The following COG5 variants were observed in gnomAD, a reference collection of about 807,000 sequenced individuals.
The protein encoded by COG5 is component of oligomeric golgi complex 5.
In COG5, 86 loss-of-function variants were observed where a neutral mutation model predicts 110.4. The ratio of observed to expected loss-of-function variants is 0.78; its 90% confidence interval spans 0.65 to 0.93. The LOEUF is 0.93. COG5 is among the 40% of genes least tolerant of loss of function. The probability of loss-of-function intolerance (pLI) is 0.00; values close to 1 mark genes in which losing one functional copy is unlikely to be tolerated. For missense variants in COG5, 1,077 were observed against 987.0 expected (o/e 1.09, Z -1.22); for synonymous variants, 360 against 334.6 (o/e 1.08, Z -0.83).
intron 6 of COG5, among the ~76,000 whole-genome samples, chr7:107,456,847 A>G (rs1795694646): frequency 6.6e-6 from 1 of 152,250 alleles, no homozygotes; most frequent in South Asian, 2.1e-4. Flanking sequence ...TAACAGGAGC[A>G]TTCAATATGG....
chr7:107,466,945 AG>A (rs1481991260), intron 6 of COG5, among the ~76,000 whole-genome samples: 1 of 152,250 alleles, frequency 6.6e-6, no homozygotes, highest in African/African-American at 2.4e-5. Flanking sequence ...ACAAACTCAG[AG>A]AATCTTCAAA....
At chr7:107,344,463 G>T (rs1315220491) in intron 10 of COG5, among the ~76,000 whole-genome samples, 2 of 152,142 alleles carry the variant, frequency 1.3e-5, no homozygotes, top group Non-Finnish European at 2.9e-5. Context: ...GTTGTGGCTG[G>T]CTTGATCTTC....
At chr7:107,341,060 T>A (rs922460986) in intron 10 of COG5, among the ~76,000 whole-genome samples, 1 of 151,964 alleles carries the variant, frequency 6.6e-6, no homozygotes, top group Non-Finnish European at 1.5e-5. Flanking sequence ...AAAAATAGCA[T>A]CCAATTTGGA....
In COG5 at chr7:107,201,983, C is replaced by A. The variant is rs755241520; in HGVS notation, c.*1533G>T. ...GGCTACCAGAACATGGGGCAGGTGG[C>A]TGGTGTTGGTGTCCCAGCCTAAGAG... On this transcript the variant is annotated 3_prime_UTR_variant, in exon 22 of 22. Coordinates refer to ENST00000297135, the MANE Select transcript of COG5 (RefSeq NM_006348.5). 6.6e-6 allele frequency: 1 copy of A among 152,658 alleles called. No homozygotes were observed. Among genetic ancestry groups the A allele is most frequent in the Non-Finnish European group, 1.5e-5 (1 of 68,054 alleles). 9.5% of individuals were successfully genotyped at this position (152,658 alleles called of 1,614,324 possible). A position where few individuals can be genotyped will look rare whatever the true frequency, so the allele number is the denominator to read the frequency against.
intron 21 of COG5, chr7:107,210,323 T>C: frequency 7.0e-7 from 1 of 1,429,014 alleles, no homozygotes; most frequent in Non-Finnish European, 9.1e-7. Flanking sequence ...AGGTTTGGAA[T>C]GAAAGAAAGC....
chr7:107,320,735 T>C (rs1338661649), intron 11 of COG5, among the ~76,000 whole-genome samples: 1 of 152,134 alleles, frequency 6.6e-6, no homozygotes, highest in Admixed American at 6.5e-5. Flanking sequence ...AAGGTATAAA[T>C]ATAGGTCCCC....
Position 107,499,554 on chromosome 7 carries a change from C to T in COG5, c.538+27683G>A, listed in dbSNP as rs572209986. The stretch of plus-strand genomic sequence containing the variant: ...CTGAGAAGCTAGGATTAAAGGAGCA[C>T]GTCACCATGCCCAGCTAATTTTTTG... On this transcript the variant is annotated intron_variant, in intron 6 of 21. Coordinates refer to ENST00000297135, the MANE Select transcript of COG5 (RefSeq NM_006348.5). Among the ~76,000 whole-genome samples the T allele has an allele frequency of 1.6e-4, 24 of 152,072 alleles. No individual in the cohort carries two copies. In the South Asian group the frequency reaches 3.9e-3, roughly 25 times the overall value.
intron 6 of COG5, among the ~76,000 whole-genome samples, chr7:107,415,058 G>C (rs1792616584): frequency 6.6e-6 from 1 of 151,792 alleles, no homozygotes; most frequent in Non-Finnish European, 1.5e-5. Context: ...CTCCTCCTTT[G>C]TGTAAATGAA....
At chr7:107,502,710 A>G (rs1798712962) in intron 6 of COG5, among the ~76,000 whole-genome samples, 1 of 152,100 alleles carries the variant, frequency 6.6e-6, no homozygotes, top group Non-Finnish European at 1.5e-5. Flanking sequence ...GCCATTCTAG[A>G]CGGAATAAGC....
intron 11 of COG5, among the ~76,000 whole-genome samples, chr7:107,313,686 T>G (rs777739319): frequency 6.6e-6 from 1 of 152,136 alleles, no homozygotes; most frequent in Non-Finnish European, 1.5e-5. Context: ...CTGTTTCCAT[T>G]ATCACATATC....
At chr7:107,317,275 C>T (rs1808842030) in intron 11 of COG5, among the ~76,000 whole-genome samples, 1 of 152,030 alleles carries the variant, frequency 6.6e-6, no homozygotes, top group African/African-American at 2.4e-5. Flanking sequence ...CTATCCCCTC[C>T]CAGAACAGCC....
At chr7:107,362,239 G>T in intron 9 of COG5, 69 bp downstream of exon 9, 1 of 1,419,654 alleles carries the variant, frequency 7.0e-7, no homozygotes, top group Non-Finnish European at 9.9e-7. Flanking sequence ...ACCTGCCCAA[G>T]GTCACACAAT....
intron 17 of COG5, among the ~76,000 whole-genome samples, chr7:107,245,094 C>T (rs1163349265): frequency 1.3e-5 from 2 of 152,198 alleles, no homozygotes; most frequent in Admixed American, 6.5e-5. Context: ...ATCACATCAA[C>T]AGAGCTAAAG....
chr7:107,241,319 A>G (rs1801602054), intron 17 of COG5, among the ~76,000 whole-genome samples: 1 of 151,808 alleles, frequency 6.6e-6, no homozygotes, highest in African/African-American at 2.4e-5. Flanking sequence ...ATCAGCAGTT[A>G]TATAATCCTA....
chr7:107,295,459 T>C (rs1329051434), intron 12 of COG5, among the ~76,000 whole-genome samples: 2 of 152,070 alleles, frequency 1.3e-5, no homozygotes, highest in African/African-American at 4.8e-5. Context: ...AAGTAATGAA[T>C]CATGAAAAAT....
chr7:107,208,060 A>C (rs1209478634), intron 21 of COG5: 1 of 985,348 alleles, frequency 1.0e-6, no homozygotes, highest in African/African-American at 1.7e-5. Context: ...GTGATGCTTC[A>C]GTATGCAAGA....
chr7:107,510,962 C>T (rs903952827), intron 6 of COG5, among the ~76,000 whole-genome samples: 2 of 152,060 alleles, frequency 1.3e-5, no homozygotes, highest in Non-Finnish European at 2.9e-5. Context: ...AAAATTGACA[C>T]CCTAACGTCA....
chr7:107,250,185 G>A (rs1389240256), intron 16 of COG5, among the ~76,000 whole-genome samples: 1 of 152,210 alleles, frequency 6.6e-6, no homozygotes, highest in African/African-American at 2.4e-5. Context: ...GTGGTACAGA[G>A]CTGCTGGAGA....
chr7:107,360,113 T>C (rs539565186), intron 10 of COG5, among the ~76,000 whole-genome samples: 1 of 151,740 alleles, frequency 6.6e-6, no homozygotes, highest in Non-Finnish European at 1.5e-5. Flanking sequence ...TGCATGGATG[T>C]CGGGATGACC....
Sources: gnomAD v4.1 joint callset for allele counts (sites outside exome capture counted in the v4.1 genomes callset) on GRCh38, gnomAD v4.1.1 for gene constraint, MANE v1.5 for transcripts, NCBI Gene and HGNC (gene_info 2026-07-23, HGNC 2026-07-21) for gene names.